The following SESN1 variants were observed in gnomAD, a reference collection of about 807,000 sequenced individuals.
SESN1 encodes sestrin 1, also known as sestrin-1.
Under a neutral mutation model 59.3 loss-of-function variants are expected in SESN1, and 30 were observed. That is an observed-to-expected ratio of 0.51 (90% CI 0.38 to 0.69). SESN1 has a LOEUF of 0.69. SESN1 is among the 30% of genes least tolerant of loss of function. The pLI, the probability that SESN1 is intolerant of heterozygous loss-of-function variation, is 0.00. For missense variants in SESN1, 566 were observed against 673.0 expected, an observed-to-expected ratio of 0.84 and a Z score of 1.76; for synonymous variants, 197 against 219.9, an observed-to-expected ratio of 0.90 and a Z score of 0.92.
At chr6:109,079,019 C>A (rs908864076) in intron 1 of SESN1, among the ~76,000 whole-genome samples, 8 of 151,906 alleles carry the variant, frequency 5.3e-5, no homozygotes, top group African/African-American at 1.9e-4. Context: ...AAAGAGGGAG[C>A]CATCAAAGAC....
chr6:109,000,418 A>G, intron 4 of SESN1, 73 bp downstream of exon 4: 1 of 1,210,110 alleles, frequency 8.3e-7, no homozygotes. Context: ...TTTCTGTGCG[A>G]TTTTTCTGTA....
chr6:109,039,735 A>G (rs1369922779), intron 1 of SESN1, among the ~76,000 whole-genome samples: 1 of 152,276 alleles, frequency 6.6e-6, no homozygotes, highest in African/African-American at 2.4e-5. Context: ...CATAAACTAC[A>G]AAGTTTCTAG....
chr6:109,086,266 T>C lies in SESN1; in HGVS notation c.279+7529A>G, dbSNP rs572179323. The stretch of plus-strand genomic sequence containing the variant: ...CTCGGGAGGCTGAGGCAGGGAGAAC[T>C]GCTTGAACCCGGGAGGTGGAGGTTG... On this transcript the variant is annotated intron_variant, in intron 1 of 9. Coordinates refer to ENST00000436639, the MANE Select transcript of SESN1 (RefSeq NM_014454.3). 1.9e-3 allele frequency among the ~76,000 whole-genome samples: 291 copies of C among 152,156 alleles called. 2 individuals carry two copies. Among genetic ancestry groups the C allele is most frequent in the African/African-American group, 6.7e-3 (278 of 41,514 alleles).
intron 1 of SESN1, among the ~76,000 whole-genome samples, chr6:109,092,059 G>C (rs1364509882): frequency 6.6e-6 from 1 of 152,086 alleles, no homozygotes. Context: ...TAGATGCAGA[G>C]ATGGAAAAAA....
In SESN1 at chr6:108,992,840, C is replaced by G; in HGVS notation, c.1180G>C (p.Gly394Arg). 6.2e-7 allele frequency: 1 copy of G among 1,613,684 alleles called. No homozygotes were observed. The highest frequency in any genetic ancestry group is 8.5e-7 in the Non-Finnish European group (1 of 1,179,836). ...VSRHFEDTSYGYKDFSRHGMH... is the reference protein window; with the variant it reads ...VSRHFEDTSYRYKDFSRHGMH... ...CCATGTCTAGAGAAATCTTTATAGC[C>G]ATAACTAGTATCCTCAAAATGACGA... Residue 394 changes from glycine to arginine, a missense_variant, in exon 7 of 10, where the codon GGC becomes CGC. Coordinates refer to ENST00000436639, the MANE Select transcript of SESN1 (RefSeq NM_014454.3).
At chr6:109,045,382 C>T (rs773827017) in intron 1 of SESN1, among the ~76,000 whole-genome samples, 8 of 152,176 alleles carry the variant, frequency 5.3e-5, no homozygotes, top group African/African-American at 1.7e-4. Context: ...TTCCAAAATG[C>T]AGATCTGATG....
At chr6:109,079,480 A>T (rs770934417) in intron 1 of SESN1, among the ~76,000 whole-genome samples, 10 of 152,202 alleles carry the variant, frequency 6.6e-5, no homozygotes, top group Admixed American at 5.2e-4. Context: ...ATGCAAAAGG[A>T]CAAAAATGGC....
intron 1 of SESN1, among the ~76,000 whole-genome samples, chr6:109,029,192 T>G (rs1780143499): frequency 6.6e-6 from 1 of 152,106 alleles, no homozygotes; most frequent in Non-Finnish European, 1.5e-5. Context: ...ACAAAGAATT[T>G]CAAAGACCTA....
chr6:109,071,797 C>T (rs1780940589), intron 1 of SESN1, among the ~76,000 whole-genome samples: 1 of 152,178 alleles, frequency 6.6e-6, no homozygotes, highest in Non-Finnish European at 1.5e-5. Flanking sequence ...ACAAAAATTT[C>T]CCTTTGTTGG....
intron 8 of SESN1, 118 bp downstream of exon 8, chr6:108,990,527 T>A: frequency 1.1e-6 from 1 of 885,136 alleles, no homozygotes; most frequent in East Asian, 2.5e-5. Flanking sequence ...AAAAATAAGT[T>A]ATTGGGGAGG....
Position 108,998,703 on chromosome 6 carries a change from G to C in SESN1, c.782C>G (p.Ala261Gly), listed in dbSNP as rs376971427. ...HSWSLAELVHAVVLLTHYHSL... is the reference protein window; with the variant it reads ...HSWSLAELVHGVVLLTHYHSL... ...ATGATAGTGTGTGAGTAAAACTACT[G>C]CATGTACCAATTCCGCAAGGGACCA... Residue 261 changes from alanine to glycine, a missense_variant, in exon 5 of 10, where the codon GCA becomes GGA. Coordinates refer to ENST00000436639, the MANE Select transcript of SESN1 (RefSeq NM_014454.3). The C allele has an allele frequency of 1.2e-4, 186 of 1,613,538 alleles. No homozygotes were observed. Among genetic ancestry groups the C allele is most frequent in the Non-Finnish European group, 1.5e-4 (182 of 1,179,740 alleles).
At chr6:109,052,455 A>T (rs2114443855) in intron 1 of SESN1, among the ~76,000 whole-genome samples, 1 of 152,332 alleles carries the variant, frequency 6.6e-6, no homozygotes, top group Non-Finnish European at 1.5e-5. Flanking sequence ...TGGTATATTT[A>T]CTTTCAGTTC....
intron 1 of SESN1, among the ~76,000 whole-genome samples, chr6:109,054,989 T>C (rs1562469758): frequency 1.3e-5 from 2 of 152,206 alleles, no homozygotes; most frequent in Admixed American, 1.3e-4. Context: ...TTTATACTTT[T>C]CTCCAAGAAG....
chr6:109,085,605 C>T lies in SESN1; in HGVS notation c.279+8190G>A, dbSNP rs187830340. Among the ~76,000 whole-genome samples the T allele has an allele frequency of 2.6e-5, 4 of 152,212 alleles. No homozygotes were observed. The East Asian group carries it at 7.7e-4, about 29-fold the overall frequency. ...AATCTGATTTCCTGAGTATATTCTG[C>T]CAGCCTAATTAAAGTACTAAGTAAT... is the stretch of plus-strand genomic sequence containing the variant. On this transcript the variant is annotated intron_variant, in intron 1 of 9. Transcript: ENST00000436639.
chr6:108,990,861 T>C (rs368091777), intron 7 of SESN1, 26 bp from the exon 8 acceptor site: 1 of 1,589,630 alleles, frequency 6.3e-7, no homozygotes, highest in Admixed American at 1.7e-5. Flanking sequence ...AGAACAAATG[T>C]GAATAAATGT....
At chr6:109,078,188 C>T (rs1404977549) in intron 1 of SESN1, among the ~76,000 whole-genome samples, 1 of 151,904 alleles carries the variant, frequency 6.6e-6, no homozygotes, top group Admixed American at 6.6e-5. Context: ...TCGTGACCAG[C>T]CTAGGAAACA....
intron 1 of SESN1, among the ~76,000 whole-genome samples, chr6:109,003,838 A>G (rs1583266916): frequency 6.6e-6 from 1 of 152,204 alleles, no homozygotes; most frequent in African/African-American, 2.4e-5. Context: ...TTCTCATCCA[A>G]TTACATACAT....
At position 108,988,630 on chromosome 6, in the gene SESN1, A is replaced by C. The variant is rs148284991; in HGVS notation, c.1482T>G (p.Val494=). 1 of 1,612,866 alleles carries C rather than the reference A, an allele frequency of 6.2e-7. No homozygotes were observed. Among genetic ancestry groups the C allele is most frequent in the Non-Finnish European group, 8.5e-7 (1 of 1,179,392 alleles). ...INQLLDRSFK[V]YIKTVVCTPE... is the part of the protein sequence containing the mutation. ...GAGTGCAAACAACAGTTTTGATATA[A>C]ACTTTAAAGCTACGATCCAATAGCT... is the stretch of plus-strand genomic sequence containing the variant. Residue 494 remains valine (V), a synonymous_variant, in exon 9 of 10, where the codon GTT becomes GTG. Transcript: ENST00000436639.
At chr6:109,006,502 A>G (rs1779736743) in intron 1 of SESN1, among the ~76,000 whole-genome samples, 1 of 144,774 alleles carries the variant, frequency 6.9e-6, no homozygotes, top group Admixed American at 7.0e-5. Context: ...CCTGTGTCCA[A>G]GGAAAGCCCT....
Sources: gnomAD v4.1 joint callset for allele counts (sites outside exome capture counted in the v4.1 genomes callset) on GRCh38, gnomAD v4.1.1 for gene constraint, MANE v1.5 for transcripts, NCBI Gene and HGNC (gene_info 2026-07-23, HGNC 2026-07-21) for gene names.